PEX11A: variants seen among roughly 807,000 people sequenced by gnomAD.
PEX11A encodes the protein peroxisomal biogenesis factor 11 alpha, also known as peroxisomal membrane protein 11A.
Under a neutral mutation model 14.4 loss-of-function variants are expected in PEX11A, and 13 were observed. The ratio of observed to expected loss-of-function variants is 0.90; its 90% CI spans 0.59 to 1.43. PEX11A has a LOEUF of 1.43. Ranked by LOEUF, PEX11A falls within the 40% of genes most tolerant of loss-of-function variation. The pLI is 0.00. For missense variants in PEX11A, 290 were observed against 302.8 expected, an observed-to-expected ratio of 0.96 and a Z score of 0.31; for synonymous variants, 101 against 113.0, an observed-to-expected ratio of 0.89 and a Z score of 0.67.
intron 2 of PEX11A, 137 bp from the exon 3 acceptor site, chr15:89,684,085 G>C (rs1350280904): frequency 3.2e-6 from 2 of 624,860 alleles, no homozygotes; most frequent in South Asian, 2.0e-5. Flanking sequence ...ACACCGGCTG[G>C]AGTGCAGCGG....
intron 2 of PEX11A, 54 bp from the exon 3 acceptor site, chr15:89,684,002 A>G: frequency 7.8e-7 from 1 of 1,277,934 alleles, no homozygotes; most frequent in South Asian, 1.4e-5. Flanking sequence ...CACAACAGGA[A>G]GATAGAATCC....
chr15:89,685,770 C>A (rs1453688830), intron 2 of PEX11A, among the ~76,000 whole-genome samples: 1 of 152,074 alleles, frequency 6.6e-6, no homozygotes, highest in Non-Finnish European at 1.5e-5. Context: ...CATAGGTGCT[C>A]AAAACCAACT....
chr15:89,690,384 T>G (rs569215617), intron 1 of PEX11A, among the ~76,000 whole-genome samples, 193 bp downstream of exon 1: 2 of 151,954 alleles, frequency 1.3e-5, no homozygotes. Context: ...GGGACGCGGG[T>G]GCGTTGGGCC....
Position 89,690,700 on chromosome 15 carries a change from C to T in PEX11A, c.-68G>A. 1.7e-6 allele frequency: 2 copies of T among 1,183,370 alleles called. No individual in the cohort carries two copies. The highest frequency in any genetic ancestry group is 2.4e-6 in the Non-Finnish European group (2 of 817,392). 73.3% of individuals were successfully genotyped at this position (1,183,370 alleles called of 1,614,324 possible). A position where few individuals can be genotyped will look rare whatever the true frequency, so the allele number is the denominator to read the frequency against. On this transcript the variant is annotated 5_prime_UTR_variant, in exon 1 of 3. Transcript: ENST00000300056. ...TGGGTCCTCTGGGGCCCGTCGGATC[C>T]CCAGGGAACGGTCAGTCCCAGGTTA...
In PEX11A at chr15:89,686,533, T is replaced by C. The variant is rs751605352; in HGVS notation, c.70A>G (p.Thr24Ala). The part of the protein sequence containing the change: ...RDRLFRATQY[T>A]CMLLRYLLEP... Reference sequence around the variant, plus strand: ...AACAAATATCTAAGCAACATGCATGTGTACTGAGTGGCTCTGAAATGGAAA... The same window carrying C: ...AACAAATATCTAAGCAACATGCATGCGTACTGAGTGGCTCTGAAATGGAAA... Residue 24 changes from threonine (T) to alanine (A), a missense_variant, in exon 2 of 3, where the codon ACA becomes GCA. By Grantham distance (58) the Thr-to-Ala change is moderately conservative. Transcript: ENST00000300056. The C allele has an allele frequency of 7.3e-6, 11 of 1,510,784 alleles. No individual in the cohort carries two copies. The highest frequency in any genetic ancestry group is 1.8e-5 in the Admixed American group (1 of 57,062). 93.6% of individuals were successfully genotyped at this position (1,510,784 alleles called of 1,614,324 possible). A position where few individuals can be genotyped will look rare whatever the true frequency, so the allele number is the denominator to read the frequency against.
chr15:89,683,552 T>A lies in PEX11A; in HGVS notation c.569A>T (p.Gln190Leu). The A allele has an allele frequency of 6.2e-7, 1 of 1,614,246 alleles. No individual in the cohort carries two copies. The highest frequency in any genetic ancestry group is 8.5e-7 in the Non-Finnish European group (1 of 1,180,034). ...FLLLLFRSLK[Q>L]HPPLLLDTVK... ...TGTGTCCAGGAGCAAGGGAGGATGC[T>A]GCTTCAGAGATCGGAATAAAAGAAG... Residue 190 changes from glutamine to leucine, a missense_variant, in exon 3 of 3, where the codon CAG (glutamine) becomes CTG (leucine). Gln to Leu is a moderately radical substitution (Grantham distance 113, BLOSUM62 -2). Coordinates refer to ENST00000300056, the MANE Select transcript of PEX11A (RefSeq NM_003847.3).
rs996288497 is a variant in PEX11A, at chr15:89,682,671, G to A, written c.*706C>T. 1 of 152,166 alleles carries A rather than the reference G, an allele frequency of 6.6e-6. No homozygotes were observed. The highest frequency in any genetic ancestry group is 1.5e-5 in the Non-Finnish European group (1 of 68,042). 9.4% of individuals were successfully genotyped at this position (152,166 alleles called of 1,614,324 possible). On this transcript the variant is annotated 3_prime_UTR_variant, in exon 3 of 3. Coordinates refer to ENST00000300056, the MANE Select transcript of PEX11A (RefSeq NM_003847.3). ...AGGCTCTAGCCTCAGTTTTTTGTTT[G>A]TCTCACTGTCAGCTTCTTATCTGTC...
In PEX11A at chr15:89,682,872, TATAA is replaced by T; in HGVS notation, c.*501_*504del. ...AGCAAGGACATGAGTGCAGTGATGG[TATAA>T]GGGCCAACAAGTTGAGAGGCTGTAA... On this transcript the variant is annotated 3_prime_UTR_variant, in exon 3 of 3. Transcript: ENST00000300056. 1 of 158,262 alleles carries T rather than the reference TATAA, an allele frequency of 6.3e-6. No homozygotes were observed. Among genetic ancestry groups the T allele is most frequent in the Non-Finnish European group, 1.4e-5 (1 of 71,928 alleles). The allele number at this position is 158,262 out of a possible 1,614,324, so 9.8% of individuals were successfully genotyped here.
chr15:89,685,702 A>G (rs1024189677), intron 2 of PEX11A, among the ~76,000 whole-genome samples: 4 of 151,996 alleles, frequency 2.6e-5, no homozygotes, highest in African/African-American at 9.7e-5. Flanking sequence ...TAAATCTTAT[A>G]TATCATTATT....
In PEX11A at chr15:89,682,878, G is replaced by GTC; in HGVS notation, c.*498_*499insGA. On this transcript the variant is annotated 3_prime_UTR_variant, in exon 3 of 3. Transcript: ENST00000300056. The stretch of plus-strand genomic sequence containing the variant: ...GACATGAGTGCAGTGATGGTATAAG[G>GTC]GCCAACAAGTTGAGAGGCTGTAAGC... 6.3e-6 allele frequency: 1 copy of GTC among 158,240 alleles called. No homozygotes were observed. Among genetic ancestry groups the GTC allele is most frequent in the Non-Finnish European group, 1.4e-5 (1 of 72,004 alleles). The allele number at this position is 158,240 out of a possible 1,614,324, so 9.8% of individuals were successfully genotyped here. A position where few individuals can be genotyped will look rare whatever the true frequency, so the allele number is the denominator to read the frequency against.
At position 89,690,710 on chromosome 15, in the gene PEX11A, G is replaced by T. The variant is rs577395228; in HGVS notation, c.-78C>A. ...GGGGCCCGTCGGATCCCCAGGGAAC[G>T]GTCAGTCCCAGGTTATCCGCTGAGG... On this transcript the variant is annotated 5_prime_UTR_variant, in exon 1 of 3. Coordinates refer to ENST00000300056, the MANE Select transcript of PEX11A (RefSeq NM_003847.3). 5.6e-6 allele frequency: 6 copies of T among 1,072,276 alleles called. No individual in the cohort carries two copies. The highest frequency in any genetic ancestry group is 4.0e-5 in the Admixed American group (2 of 49,508). 66.4% of individuals were successfully genotyped at this position (1,072,276 alleles called of 1,614,324 possible). A position where few individuals can be genotyped will look rare whatever the true frequency, so the allele number is the denominator to read the frequency against.
At chr15:89,690,303 T>C (rs1384825680) in intron 1 of PEX11A, among the ~76,000 whole-genome samples, 1 of 152,212 alleles carries the variant, frequency 6.6e-6, no homozygotes, top group Non-Finnish European at 1.5e-5. Flanking sequence ...TGTCAGCCGG[T>C]GTCCCGTCGT....
chr15:89,684,237 G>A (rs971920693), intron 2 of PEX11A, among the ~76,000 whole-genome samples: 1 of 152,184 alleles, frequency 6.6e-6, no homozygotes. Flanking sequence ...GGTCATTAAA[G>A]GCTCAGCCTT....
chr15:89,687,387 T>C (rs933690724), intron 1 of PEX11A, among the ~76,000 whole-genome samples: 2 of 152,250 alleles, frequency 1.3e-5, no homozygotes, highest in African/African-American at 4.8e-5. Flanking sequence ...CATAAATTAG[T>C]ATAAATATGT....
intron 2 of PEX11A, among the ~76,000 whole-genome samples, chr15:89,684,359 C>T (rs896674263): frequency 2.0e-5 from 3 of 152,144 alleles, no homozygotes; most frequent in African/African-American, 7.2e-5. Context: ...TAATGAACAC[C>T]TTAATGTTGA....
intron 1 of PEX11A, chr15:89,687,828 T>G (rs538549548): frequency 3.0e-6 from 1 of 328,574 alleles, no homozygotes; most frequent in Non-Finnish European, 5.8e-6. Flanking sequence ...TTTGGTCTAA[T>G]AATAAGGATC....
rs1450932630 is a variant in PEX11A, at chr15:89,690,591, C to T, written c.42G>A (p.Arg14=). 8 of 1,551,266 alleles carry T rather than the reference C, an allele frequency of 5.2e-6. No individual in the cohort carries two copies. The East Asian group carries it at 1.2e-4, about 24-fold the overall frequency. The change falls in exon 1 of 3, where the codon CGG becomes CGA. Residue 14 remains arginine, a synonymous_variant. Transcript: ENST00000300056. ...FTRFTNQTQG[R]DRLFRATQYT... is the part of the protein sequence containing the mutation. ...ACCTGACTCACCTGAAGAGTCGGTC[C>T]CGGCCCTGGGTCTGGTTGGTGAAGC...
At chr15:89,686,598 C>T (rs763180610) in intron 1 of PEX11A, 52 bp from the exon 2 acceptor site, 1 of 824,356 alleles carries the variant, frequency 1.2e-6, no homozygotes, top group South Asian at 1.4e-5. Flanking sequence ...CCAAATAAAA[C>T]TTAATTCAGG....
chr15:89,689,269 G>A (rs1224486103), intron 1 of PEX11A, among the ~76,000 whole-genome samples: 1 of 152,144 alleles, frequency 6.6e-6, no homozygotes, highest in Non-Finnish European at 1.5e-5. Context: ...TTCTGCTTCA[G>A]TTTCTCCATC....
Sources: gnomAD v4.1 joint callset for allele counts (sites outside exome capture counted in the v4.1 genomes callset) on GRCh38, gnomAD v4.1.1 for gene constraint, MANE v1.5 for transcripts, NCBI Gene and HGNC (gene_info 2026-07-23, HGNC 2026-07-21) for gene names.